The following SHOX2 variants were observed in gnomAD, a reference collection of about 807,000 sequenced individuals.
SHOX2 encodes the protein short stature homeobox protein 2.
In SHOX2, 13 loss-of-function variants were observed where a neutral mutation model predicts 31.3. The ratio of observed to expected loss-of-function variants is 0.42; its 90% confidence interval spans 0.27 to 0.66. The LOEUF (loss-of-function observed/expected upper bound fraction) is 0.66, where lower values mean the gene tolerates loss of function less well. Ranked by LOEUF, SHOX2 falls within the 30% of genes least tolerant of loss-of-function variation. SHOX2 has a pLI of 0.27. For missense variants in SHOX2, 473 were observed against 443.0 expected, an observed-to-expected ratio of 1.07 and a Z score of -0.61; for synonymous variants, 244 against 196.2, an observed-to-expected ratio of 1.24 and a Z score of -2.04.
In SHOX2 at chr3:158,096,911, T is replaced by TATATATATATATATATGGCAAATATATG. The variant is rs1713135075; in HGVS notation, c.*1115_*1116insCATATATTTGCCATATATATATATATAT. 2 of 111,532 alleles carry TATATATATATATATATGGCAAATATATG rather than the reference T, an allele frequency of 1.8e-5. No homozygotes were observed. Among genetic ancestry groups the TATATATATATATATATGGCAAATATATG allele is most frequent in the African/African-American group, 6.4e-5 (2 of 31,152 alleles). The allele number at this position is 111,532 out of a possible 1,614,324, so 6.9% of individuals were successfully genotyped here. A position where few individuals can be genotyped will look rare whatever the true frequency, so the allele number is the denominator to read the frequency against. ...GCAAATATATATATATATATATATATATATATATATATATATATATGGCAA... is the reference window on the plus strand; with the variant it reads ...GCAAATATATATATATATATATATATATATATATATATATATGGCAAATATATGATATATATATATATATATATGGCAA... On this transcript the variant is annotated 3_prime_UTR_variant, in exon 5 of 5. Transcript: ENST00000483851.
intron 1 of SHOX2, among the ~76,000 whole-genome samples, chr3:158,104,702 T>C (rs894634350): frequency 6.6e-6 from 1 of 152,216 alleles, no homozygotes; most frequent in Non-Finnish European, 1.5e-5. Context: ...ATCTCTATTT[T>C]TGTCCCCAAA....
At chr3:158,103,250 C>CG in intron 1 of SHOX2, 2 of 341,404 alleles carry the variant, frequency 5.9e-6, no homozygotes, top group Admixed American at 4.2e-5. Flanking sequence ...TGCTCCGCAG[C>CG]ACTCACAGAA....
In SHOX2 at chr3:158,098,112, G is replaced by C. The variant is rs781023365; in HGVS notation, c.875C>G (p.Ala292Gly). Residue 292 changes from alanine (A) to glycine (G), a missense_variant, in exon 5 of 5, where the codon GCA becomes GGA. This residue lies in a region of SHOX2 where 182 missense variants were observed against 167.2 expected (regional missense o/e 1.09). Coordinates refer to ENST00000483851, the MANE Select transcript of SHOX2 (RefSeq NM_001163678.2). ...ASAASVVAAAAAAKTTSKNSS... is the reference protein window; with the variant it reads ...ASAASVVAAAGAAKTTSKNSS... ...GTTCTTGCTGGTGGTCTTGGCGGCT[G>C]CTGCGGCCGCCACTACCGAGGCGGC... The C allele has an allele frequency of 3.7e-6, 6 of 1,611,278 alleles. No homozygotes were observed. The highest frequency in any genetic ancestry group is 4.2e-6 in the Non-Finnish European group (5 of 1,179,204).
At chr3:158,101,876 T>C (rs1713514186) in intron 2 of SHOX2, among the ~76,000 whole-genome samples, 1 of 152,248 alleles carries the variant, frequency 6.6e-6, no homozygotes, top group Non-Finnish European at 1.5e-5. Context: ...GTACACAATT[T>C]GCTCCTTTAA....
rs1350044728 is a variant in SHOX2 at position 158,096,913 on chromosome 3, T to TATGGCAAATATATG, written c.*1113_*1114insCATATATTTGCCAT. The stretch of plus-strand genomic sequence containing the variant: ...AAATATATATATATATATATATATA[T>TATGGCAAATATATG]ATATATATATATATATATGGCAAAT... On this transcript the variant is annotated 3_prime_UTR_variant, in exon 5 of 5. Coordinates refer to ENST00000483851, the MANE Select transcript of SHOX2 (RefSeq NM_001163678.2). The TATGGCAAATATATG allele has an allele frequency of 8.7e-6, 1 of 114,830 alleles. No homozygotes were observed. The highest frequency in any genetic ancestry group is 3.0e-5 in the African/African-American group (1 of 33,322). 7.1% of individuals were successfully genotyped at this position (114,830 alleles called of 1,614,324 possible).
intron 4 of SHOX2, 175 bp from the exon 5 acceptor site, chr3:158,098,459 T>C: frequency 1.3e-6 from 1 of 764,490 alleles, no homozygotes; most frequent in Non-Finnish European, 2.1e-6. Context: ...AGCCTGTTGC[T>C]GAATCTGGGG....
chr3:158,104,388 C>T (rs553905843), intron 1 of SHOX2, among the ~76,000 whole-genome samples: 64 of 152,246 alleles, frequency 4.2e-4, no homozygotes, highest in Non-Finnish European at 8.5e-4. Context: ...TCGGCCCTGC[C>T]GGGCATTCTA....
chr3:158,100,321 G>C lies in SHOX2; in HGVS notation c.556-10C>G, dbSNP rs369182177. 1.7e-4 allele frequency: 271 copies of C among 1,575,456 alleles called. No individual in the cohort carries two copies. The highest frequency in any genetic ancestry group is 2.2e-4 in the Non-Finnish European group (256 of 1,168,760). ...GATTTTGAAACCAAACCTATAGGTT[G>C]GAGGGGGAAAAAAAATAAAACCTAG... On this transcript the variant is annotated splice_polypyrimidine_tract_variant and intron_variant, in intron 2 of 4. Transcript: ENST00000483851.
At chr3:158,104,940 C>A in intron 1 of SHOX2, 1 of 687,568 alleles carries the variant, frequency 1.5e-6, no homozygotes, top group South Asian at 1.6e-5. Flanking sequence ...ACTGAGCTAG[C>A]ACCAAAGGAT....
chr3:158,103,309 G>C (rs905595250), intron 1 of SHOX2: 5 of 250,798 alleles, frequency 2.0e-5, no homozygotes, highest in Non-Finnish European at 4.0e-5. Flanking sequence ...CTGGACATAA[G>C]GGCGCGGCAA....
intron 1 of SHOX2, chr3:158,103,257 A>C: frequency 3.0e-6 from 1 of 328,264 alleles, no homozygotes; most frequent in Non-Finnish European, 5.9e-6. Context: ...CAGCACTCAC[A>C]GAAATCAAAG....
intron 1 of SHOX2, chr3:158,103,878 G>GA (rs1293011358): frequency 6.6e-6 from 1 of 152,216 alleles, no homozygotes; most frequent in Non-Finnish European, 1.5e-5. Context: ...AATAAAATAT[G>GA]AATTTTTCTG....
chr3:158,098,465 T>C (rs1025793157), intron 4 of SHOX2, 181 bp from the exon 5 acceptor site: 2 of 744,506 alleles, frequency 2.7e-6, no homozygotes, highest in African/African-American at 1.8e-5. Flanking sequence ...TTGCTGAATC[T>C]GGGGTTCCAC....
rs534500079 is a variant in SHOX2 at position 158,096,236 on chromosome 3, C to T, written c.*1791G>A. On this transcript the variant is annotated 3_prime_UTR_variant, in exon 5 of 5. Transcript: ENST00000483851. Reference sequence around the variant, plus strand: ...AACAAATAGTTACAAAGCTCAACCGCATACCAAAGTTCAGTTAGAAGAGCT... The same window carrying T: ...AACAAATAGTTACAAAGCTCAACCGTATACCAAAGTTCAGTTAGAAGAGCT... 2 of 152,360 alleles carry T rather than the reference C, an allele frequency of 1.3e-5. No individual in the cohort carries two copies. The highest frequency in any genetic ancestry group is 3.9e-4 in the East Asian group (2 of 5,182). The allele number at this position is 152,360 out of a possible 1,614,324, so 9.4% of individuals were successfully genotyped here.
At position 158,097,867 on chromosome 3, in the gene SHOX2, T is replaced by C. The variant is rs77149725; in HGVS notation, c.*160A>G. ...CCCTGGTCCTGCGTGGAGTCTGGCT[T>C]TCCGAGTCCAAGATGCGATAGGGGA... On this transcript the variant is annotated 3_prime_UTR_variant, in exon 5 of 5. Coordinates refer to ENST00000483851, the MANE Select transcript of SHOX2 (RefSeq NM_001163678.2). 2.8e-3 allele frequency: 2,683 copies of C among 959,042 alleles called. 54 individuals carry two copies. The African/African-American group carries it at 0.04, about 14-fold the overall frequency. The allele number at this position is 959,042 out of a possible 1,614,324, so 59.4% of individuals were successfully genotyped here.
intron 1 of SHOX2, 53 bp downstream of exon 1, chr3:158,105,626 G>A (rs1713850522): frequency 3.4e-6 from 5 of 1,464,084 alleles, no homozygotes; most frequent in Non-Finnish European, 4.6e-6. Flanking sequence ...CGCCCGAGAG[G>A]AGTCCGGAAG....
At chr3:158,102,605 T>G in intron 2 of SHOX2, 73 bp downstream of exon 2, 1 of 1,217,824 alleles carries the variant, frequency 8.2e-7, no homozygotes, top group Non-Finnish European at 1.2e-6. Context: ...CTCCCGAGTG[T>G]GTCCCCCAAG....
At chr3:158,104,797 C>T (rs1713752410) in intron 1 of SHOX2, among the ~76,000 whole-genome samples, 1 of 152,170 alleles carries the variant, frequency 6.6e-6, no homozygotes, top group South Asian at 2.1e-4. Context: ...ACGCATGCCA[C>T]ATATTTTCTT....
At position 158,096,909 on chromosome 3, in the gene SHOX2, T is replaced by TATATATATATATATGGCAAATATATG. The variant is rs1713132809; in HGVS notation, c.*1117_*1118insCATATATTTGCCATATATATATATAT. 9.1e-6 allele frequency: 1 copy of TATATATATATATATGGCAAATATATG among 109,326 alleles called. No individual in the cohort carries two copies. The highest frequency in any genetic ancestry group is 3.3e-5 in the African/African-American group (1 of 30,198). The allele number at this position is 109,326 out of a possible 1,614,324, so 6.8% of individuals were successfully genotyped here. A position where few individuals can be genotyped will look rare whatever the true frequency, so the allele number is the denominator to read the frequency against. On this transcript the variant is annotated 3_prime_UTR_variant, in exon 5 of 5. Coordinates refer to ENST00000483851, the MANE Select transcript of SHOX2 (RefSeq NM_001163678.2). ...GGGCAAATATATATATATATATATA[T>TATATATATATATATGGCAAATATATG]ATATATATATATATATATATATGGC... is the stretch of plus-strand genomic sequence containing the variant.
Sources: allele counts gnomAD v4.1 joint callset (sites outside exome capture counted in the v4.1 genomes callset), GRCh38; gene constraint gnomAD v4.1.1; regional missense constraint gnomAD v4.1.1; transcripts MANE v1.5; gene names NCBI Gene and HGNC (gene_info 2026-07-23, HGNC 2026-07-21).